Variants in FSTL5 observed in about 807,000 individuals in gnomAD.
The protein encoded by FSTL5 is follistatin like 5, also known as follistatin-related protein 5.
FSTL5 carries 62 observed loss-of-function variants against 89.1 expected under a neutral mutation model. That is an observed-to-expected ratio of 0.70 (90% CI 0.57 to 0.86). FSTL5 has a LOEUF of 0.86. Ranked by LOEUF, FSTL5 falls within the 40% of genes least tolerant of loss-of-function variation. The pLI, the probability that FSTL5 is intolerant of heterozygous loss-of-function variation, is 0.00. For synonymous variants in FSTL5, 383 were observed against 346.2 expected (o/e 1.11, Z -1.18); for missense variants, 1,057 against 1,001.6 (o/e 1.06, Z -0.75).
intron 1 of FSTL5, among the ~76,000 whole-genome samples, chr4:162,120,926 A>G (rs1269832919): frequency 1.1e-4 from 17 of 151,952 alleles, no homozygotes; most frequent in Admixed American, 1.1e-3. Context: ...CATAGTAACC[A>G]TCTTTATAGA....
chr4:161,568,927 G>C (rs1732910209), intron 8 of FSTL5, among the ~76,000 whole-genome samples: 1 of 152,142 alleles, frequency 6.6e-6, no homozygotes, highest in Non-Finnish European at 1.5e-5. Flanking sequence ...TTATATAGAA[G>C]GAATCTTGCA....
At chr4:161,542,454 T>C in intron 9 of FSTL5, 78 bp downstream of exon 9, 1 of 1,003,574 alleles carries the variant, frequency 1.0e-6, no homozygotes, top group Non-Finnish European at 1.4e-6. Flanking sequence ...TTTCTTTTAT[T>C]TTCCAAAGAA....
chr4:161,829,161 A>ATGTG (rs1399040246), intron 4 of FSTL5, among the ~76,000 whole-genome samples: 6 of 146,980 alleles, frequency 4.1e-5, no homozygotes, highest in Non-Finnish European at 9.0e-5. Flanking sequence ...ATATATATAT[A>ATGTG]TGTACACAGA....
rs529789940 is a variant in FSTL5, at chr4:162,054,129, G to A, written c.127-20471C>T. Among the ~76,000 whole-genome samples, 5 of 151,008 alleles carry A rather than the reference G, an allele frequency of 3.3e-5. No homozygotes were observed. The South Asian group carries it at 1.0e-3, about 31-fold the overall frequency. ...CACCTACATCAATCTTAGGTTAACT[G>A]TAAGTATTCAGGATGCATTTATATT... On this transcript the variant is annotated intron_variant, in intron 2 of 15. Transcript: ENST00000306100.
At chr4:162,158,726 C>T (rs1205610894) in intron 1 of FSTL5, among the ~76,000 whole-genome samples, 1 of 151,980 alleles carries the variant, frequency 6.6e-6, no homozygotes, top group Non-Finnish European at 1.5e-5. Flanking sequence ...TAGTATCAAT[C>T]TTTACAAAGC....
At chr4:161,504,000 C>T (rs1560927304) in intron 11 of FSTL5, among the ~76,000 whole-genome samples, 2 of 151,786 alleles carry the variant, frequency 1.3e-5, no homozygotes, top group African/African-American at 2.4e-5. Context: ...TAGAATGTTA[C>T]GTGGGATATC....
chr4:161,929,519 T>C (rs577591608), intron 3 of FSTL5, among the ~76,000 whole-genome samples: 33 of 151,802 alleles, frequency 2.2e-4, no homozygotes, highest in African/African-American at 7.5e-4. Context: ...GATTTTCAAT[T>C]GTGTGATATT....
intron 1 of FSTL5, among the ~76,000 whole-genome samples, chr4:162,125,291 T>C (rs554450676): frequency 6.6e-6 from 1 of 152,282 alleles, no homozygotes; most frequent in South Asian, 2.1e-4. Flanking sequence ...AGCTGTCATG[T>C]TTGAGAAAAA....
At chr4:162,022,311 A>G (rs1329239303) in intron 3 of FSTL5, among the ~76,000 whole-genome samples, 1 of 151,918 alleles carries the variant, frequency 6.6e-6, no homozygotes, top group East Asian at 1.9e-4. Context: ...ATAATATATT[A>G]AACATGATAT....
intron 7 of FSTL5, among the ~76,000 whole-genome samples, chr4:161,601,323 T>C (rs1041505753): frequency 3.7e-5 from 2 of 53,556 alleles, no homozygotes; most frequent in African/African-American, 7.7e-5. Context: ...AAGTCTTAAA[T>C]AGTTGGAAAA....
At chr4:161,895,246 G>A (rs1487019753) in intron 4 of FSTL5, among the ~76,000 whole-genome samples, 1 of 152,112 alleles carries the variant, frequency 6.6e-6, no homozygotes, top group Non-Finnish European at 1.5e-5. Flanking sequence ...AATAATATGA[G>A]AAATGCTCTT....
At chr4:161,506,484 G>T (rs940474831) in intron 11 of FSTL5, among the ~76,000 whole-genome samples, 1 of 152,032 alleles carries the variant, frequency 6.6e-6, no homozygotes, top group Non-Finnish European at 1.5e-5. Context: ...ACATGATTAA[G>T]TTCTTTAGTG....
chr4:162,163,521 A>C (rs1733776460), intron 1 of FSTL5, 94 bp downstream of exon 1: 1 of 150,070 alleles, frequency 6.7e-6, no homozygotes, highest in Non-Finnish European at 1.5e-5. Context: ...GTTTCAAATT[A>C]TAAAAATAAG....
intron 3 of FSTL5, among the ~76,000 whole-genome samples, chr4:161,970,978 A>G (rs1735466500): frequency 6.6e-6 from 1 of 152,122 alleles, no homozygotes; most frequent in African/African-American, 2.4e-5. Flanking sequence ...ATATAACTAC[A>G]TAAAAGGAGA....
chr4:162,014,297 G>C (rs10032052), intron 3 of FSTL5, among the ~76,000 whole-genome samples: 15,132 of 152,176 alleles, frequency 0.099, 868 homozygotes, highest in East Asian at 0.15. Context: ...TGTCTGCAAG[G>C]AATGACTTTT....
chr4:161,581,442 T>C (rs573319355), intron 8 of FSTL5, among the ~76,000 whole-genome samples: 1 of 152,300 alleles, frequency 6.6e-6, no homozygotes, highest in Admixed American at 6.5e-5. Flanking sequence ...TAGATCTCTC[T>C]GCAGTCTGGC....
At chr4:161,445,742 G>A (rs1433876487) in intron 15 of FSTL5, among the ~76,000 whole-genome samples, 1 of 151,822 alleles carries the variant, frequency 6.6e-6, no homozygotes, top group African/African-American at 2.4e-5. Context: ...CTAATTTGCT[G>A]GATTTCCTTG....
chr4:161,595,376 C>T (rs951024118), intron 7 of FSTL5, among the ~76,000 whole-genome samples: 1 of 152,022 alleles, frequency 6.6e-6, no homozygotes, highest in South Asian at 2.1e-4. Flanking sequence ...CCAATGGACA[C>T]TCCATAAATA....
At chr4:161,976,627 G>T (rs530194865) in intron 3 of FSTL5, among the ~76,000 whole-genome samples, 88 of 152,082 alleles carry the variant, frequency 5.8e-4, no homozygotes, top group Middle Eastern at 3.4e-3. Flanking sequence ...GACTACAGGC[G>T]CCCGCCACCA....
Sources: gnomAD v4.1 joint callset for allele counts (sites outside exome capture counted in the v4.1 genomes callset) on GRCh38, gnomAD v4.1.1 for gene constraint, MANE v1.5 for transcripts, NCBI Gene and HGNC (gene_info 2026-07-23, HGNC 2026-07-21) for gene names.